Variants in GRIN2B observed in about 807,000 individuals in gnomAD.
GRIN2B encodes glutamate receptor ionotropic, NMDA 2B.
Under a neutral mutation model 114.5 loss-of-function variants are expected in GRIN2B, and 5 were observed. That is an observed-to-expected ratio of 0.04 (90% CI 0.02 to 0.09). The LOEUF (loss-of-function observed/expected upper bound fraction) is 0.09. GRIN2B is among the 10% of genes least tolerant of loss of function. GRIN2B has a pLI of 1.00. For missense variants in GRIN2B, 1,108 were observed against 1,943.5 expected, an observed-to-expected ratio of 0.57 and a Z score of 8.08; for synonymous variants, 787 against 745.1, an observed-to-expected ratio of 1.06 and a Z score of -0.92.
chr12:13,623,822 G>C (rs902484881), intron 5 of GRIN2B, among the ~76,000 whole-genome samples: 1 of 152,044 alleles, frequency 6.6e-6, no homozygotes, highest in Non-Finnish European at 1.5e-5. Context: ...TAAATGGAGG[G>C]TTGGTTTCCT....
At chr12:13,864,649 A>C (rs1328018772) in intron 3 of GRIN2B, among the ~76,000 whole-genome samples, 1 of 152,254 alleles carries the variant, frequency 6.6e-6, no homozygotes, top group Non-Finnish European at 1.5e-5. Flanking sequence ...AACTGATAGT[A>C]TGTAAAAACA....
At chr12:13,602,172 A>G (rs1366835781) in intron 10 of GRIN2B, among the ~76,000 whole-genome samples, 1 of 151,982 alleles carries the variant, frequency 6.6e-6, no homozygotes. Flanking sequence ...TACCTCAGAC[A>G]CTCCCAGGAT....
intron 3 of GRIN2B, among the ~76,000 whole-genome samples, chr12:13,847,354 T>G (rs1038977451): frequency 7.2e-5 from 11 of 151,930 alleles, no homozygotes; most frequent in Non-Finnish European, 1.3e-4. Context: ...CACTACAAGG[T>G]CCCACAGAGA....
At position 13,935,284 on chromosome 12, in the gene GRIN2B, T is replaced by C. The variant is rs146559274; in HGVS notation, c.-19+44644A>G. On this transcript the variant is annotated intron_variant, in intron 2 of 13. Transcript: ENST00000609686. The stretch of plus-strand genomic sequence containing the variant: ...TATAAGCCATAGTTAGTAACTGCTA[T>C]GCTAAAACAGGACTCAATAAACTAC... Among the ~76,000 whole-genome samples the C allele has an allele frequency of 1.1e-4, 16 of 152,322 alleles. No individual in the cohort carries two copies. The East Asian group carries it at 3.1e-3, about 29-fold the overall frequency.
chr12:13,708,576 G>A (rs1427347907), intron 4 of GRIN2B, among the ~76,000 whole-genome samples: 1 of 151,910 alleles, frequency 6.6e-6, no homozygotes, highest in Non-Finnish European at 1.5e-5. Context: ...TATTATTTTG[G>A]CATTTGAAGA....
intron 10 of GRIN2B, among the ~76,000 whole-genome samples, chr12:13,575,007 A>C (rs990824): frequency 0.82 from 124,980 of 152,160 alleles, 53,450 homozygotes; most frequent in East Asian, 1. Flanking sequence ...CATCTGTTTG[A>C]TAAAAAGGAA....
chr12:13,729,786 A>G (rs1052074826), intron 4 of GRIN2B, among the ~76,000 whole-genome samples: 55 of 127,362 alleles, frequency 4.3e-4, no homozygotes, highest in Non-Finnish European at 7.0e-4. Context: ...AGAAACCAGG[A>G]GTAGGGTGGG....
rs555666926 is a variant in GRIN2B at position 13,800,296 on chromosome 12, A to G, written c.412-46381T>C. ...TCTTAGCCTCTACTTGCCTTCTCCT[A>G]TCAAAGCTCTGTGGGTACTCTGGAA... On this transcript the variant is annotated intron_variant, in intron 3 of 13. Coordinates refer to ENST00000609686, the MANE Select transcript of GRIN2B (RefSeq NM_000834.5). Among the ~76,000 whole-genome samples the G allele has an allele frequency of 6.0e-4, 91 of 152,236 alleles. 1 individual carries two copies. The highest frequency in any genetic ancestry group is 1.4e-3 in the Admixed American group (21 of 15,286).
intron 4 of GRIN2B, among the ~76,000 whole-genome samples, chr12:13,703,022 T>G (rs911811756): frequency 5.9e-5 from 9 of 152,210 alleles, no homozygotes; most frequent in African/African-American, 2.2e-4. Flanking sequence ...GGAAAGTGTT[T>G]GGAGGAATGG....
At chr12:13,664,009 A>G (rs913895145) in intron 5 of GRIN2B, among the ~76,000 whole-genome samples, 3 of 152,216 alleles carry the variant, frequency 2.0e-5, no homozygotes, top group East Asian at 3.8e-4. Flanking sequence ...TCCCCATTTT[A>G]CAGATGAAGA....
chr12:13,604,055 T>C (rs1279498983), intron 10 of GRIN2B, among the ~76,000 whole-genome samples: 1 of 152,164 alleles, frequency 6.6e-6, no homozygotes, highest in Non-Finnish European at 1.5e-5. Flanking sequence ...ATACTATGGT[T>C]GGCAGACTGC....
At chr12:13,970,686 AAC>A (rs5796570) in intron 2 of GRIN2B, among the ~76,000 whole-genome samples, 27,193 of 144,940 alleles carry the variant, frequency 0.19, 2,797 homozygotes, top group South Asian at 0.25. Context: ...GCAGGCTCTA[AAC>A]ACACACACAC....
chr12:13,710,229 C>T (rs1397253452), intron 4 of GRIN2B, among the ~76,000 whole-genome samples: 3 of 151,930 alleles, frequency 2.0e-5, no homozygotes, highest in African/African-American at 7.3e-5. Context: ...GGATGTATCT[C>T]AAAATAATAA....
intron 3 of GRIN2B, among the ~76,000 whole-genome samples, chr12:13,760,134 T>A (rs1285727430): frequency 6.6e-6 from 1 of 152,204 alleles, no homozygotes; most frequent in Non-Finnish European, 1.5e-5. Context: ...TGCTTTTTCT[T>A]TTTCCCATAG....
chr12:13,923,893 C>A (rs1181200413), intron 2 of GRIN2B, among the ~76,000 whole-genome samples: 2 of 152,272 alleles, frequency 1.3e-5, no homozygotes, highest in African/African-American at 4.8e-5. Context: ...GTCTCCATGA[C>A]AACTCACCTA....
At chr12:13,642,717 G>T (rs1295687536) in intron 5 of GRIN2B, among the ~76,000 whole-genome samples, 2 of 152,108 alleles carry the variant, frequency 1.3e-5, no homozygotes, top group South Asian at 2.1e-4. Flanking sequence ...TTGAATGCTG[G>T]TTATGTGTCA....
intron 3 of GRIN2B, among the ~76,000 whole-genome samples, chr12:13,836,868 T>A (rs947233105): frequency 2.0e-5 from 3 of 152,158 alleles, no homozygotes; most frequent in African/African-American, 7.2e-5. Context: ...GTGGTGTGTG[T>A]CATAGGTGTC....
intron 12 of GRIN2B, among the ~76,000 whole-genome samples, chr12:13,568,957 C>A (rs1416455175): frequency 6.6e-6 from 1 of 152,118 alleles, no homozygotes; most frequent in East Asian, 1.9e-4. Flanking sequence ...GCTGAAAGAG[C>A]AAGATGGGAG....
chr12:13,724,792 C>A (rs1425302363), intron 4 of GRIN2B, among the ~76,000 whole-genome samples: 1 of 151,998 alleles, frequency 6.6e-6, no homozygotes, highest in Non-Finnish European at 1.5e-5. Context: ...AAGATTGTTT[C>A]CCATATAAAC....
Sources: allele counts gnomAD v4.1 joint callset (sites outside exome capture counted in the v4.1 genomes callset), GRCh38; gene constraint gnomAD v4.1.1; transcripts MANE v1.5; gene names NCBI Gene and HGNC (gene_info 2026-07-23, HGNC 2026-07-21).